The following COL9A1 variants were observed in gnomAD, a reference collection of about 807,000 sequenced individuals.
COL9A1 encodes the protein collagen alpha-1(IX) chain.
A neutral mutation model predicts 142.6 loss-of-function variants in COL9A1; 104 were observed. The observed-to-expected ratio is 0.73, with a 90% CI of 0.62 to 0.86. COL9A1 has a LOEUF of 0.86. Ranked by LOEUF, COL9A1 falls within the 40% of genes least tolerant of loss-of-function variation. The pLI, the probability that COL9A1 is intolerant of heterozygous loss-of-function variation, is 0.00. For synonymous variants in COL9A1, 466 were observed against 396.0 expected, an observed-to-expected ratio of 1.18 and a Z score of -2.10; for missense variants, 1,210 against 1,176.6, an observed-to-expected ratio of 1.03 and a Z score of -0.42.
chr6:70,303,032 T>TCTGGGACCAAGG lies in COL9A1; in HGVS notation c.-109_-108insCCTTGGTCCCAG. On this transcript the variant is annotated 5_prime_UTR_variant, in exon 1 of 38. Coordinates refer to ENST00000357250, the MANE Select transcript of COL9A1 (RefSeq NM_001851.6). ...TCACTGTTACCCTAGGACTATGTGT[T>TCTGGGACCAAGG]CTGGGCCCAGCCTTGGTCCCTCCTG... 2.4e-6 allele frequency: 3 copies of TCTGGGACCAAGG among 1,229,754 alleles called. No homozygotes were observed. The highest frequency in any genetic ancestry group is 3.6e-6 in the Non-Finnish European group (3 of 830,924). The allele number at this position is 1,229,754 out of a possible 1,614,324, so 76.2% of individuals were successfully genotyped here. A position where few individuals can be genotyped will look rare whatever the true frequency, so the allele number is the denominator to read the frequency against.
rs973061854 is a variant in COL9A1 at position 70,292,284 on chromosome 6, G to T, written c.696+1883C>A. Among the ~76,000 whole-genome samples, 4 of 152,122 alleles carry T rather than the reference G, an allele frequency of 2.6e-5. No individual in the cohort carries two copies. In the South Asian group the frequency reaches 8.3e-4, roughly 32 times the overall value. On this transcript the variant is annotated intron_variant, in intron 5 of 37. Transcript: ENST00000357250. Reference sequence around the variant, plus strand: ...GGCTCAAGTCTTTTTTGTGTTTCCTGATAAGGGAGTCAGAATTCAGTCTGA... The same window carrying T: ...GGCTCAAGTCTTTTTTGTGTTTCCTTATAAGGGAGTCAGAATTCAGTCTGA...
At chr6:70,244,943 G>T (rs910523832) in intron 28 of COL9A1, among the ~76,000 whole-genome samples, 3 of 152,176 alleles carry the variant, frequency 2.0e-5, no homozygotes, top group Admixed American at 1.3e-4. Context: ...GTACCCATAA[G>T]AGTCCACCAT....
At chr6:70,220,897 T>C (rs540654) in intron 37 of COL9A1, among the ~76,000 whole-genome samples, 14,582 of 152,224 alleles carry the variant, frequency 0.096, 1,068 homozygotes, top group African/African-American at 0.2. Flanking sequence ...CATGGTTTTC[T>C]GAAATGTCAA....
In COL9A1 at chr6:70,270,308, A is replaced by T. The variant is rs377762690; in HGVS notation, c.1197+6T>A. On this transcript the variant is annotated splice_donor_region_variant and intron_variant, in intron 15 of 37. Coordinates refer to ENST00000357250, the MANE Select transcript of COL9A1 (RefSeq NM_001851.6). ...CAAACAGAAATTCAAGCTGCAAATA[A>T]CTTACTCTGGGTCCTGGGGGGCCAG... The T allele has an allele frequency of 3.0e-5, 48 of 1,613,382 alleles. No homozygotes were observed. The highest frequency in any genetic ancestry group is 3.6e-5 in the Non-Finnish European group (43 of 1,179,478).
At chr6:70,294,003 A>T (rs575578516) in intron 5 of COL9A1, among the ~76,000 whole-genome samples, 164 bp downstream of exon 5, 20 of 152,174 alleles carry the variant, frequency 1.3e-4, no homozygotes, top group Middle Eastern at 3.4e-3. Context: ...ACACTTTCCA[A>T]CTTTAAGCTC....
intron 17 of COL9A1, 86 bp downstream of exon 17, chr6:70,268,718 C>CT (rs1772194912): frequency 2.4e-6 from 3 of 1,245,364 alleles, no homozygotes; most frequent in Non-Finnish European, 3.5e-6. Context: ...AGTGGGGTCT[C>CT]TGCACCAGGA....
chr6:70,257,209 C>T (rs1276312211), intron 20 of COL9A1, among the ~76,000 whole-genome samples: 1 of 151,964 alleles, frequency 6.6e-6, no homozygotes. Flanking sequence ...TACAGGCGCA[C>T]GCCGTCATGC....
At position 70,239,246 on chromosome 6, in the gene COL9A1, A is replaced by T. The variant is rs766377239; in HGVS notation, c.2112+8T>A. 2 of 1,537,482 alleles carry T rather than the reference A, an allele frequency of 1.3e-6. No individual in the cohort carries two copies. Among genetic ancestry groups the T allele is most frequent in the Non-Finnish European group, 1.8e-6 (2 of 1,110,954 alleles). ...TTTTTTTATACCATTACTATTCACCATACTTACAGATCCCTTTGGGCCAGG... is the reference window on the plus strand; with the variant it reads ...TTTTTTTATACCATTACTATTCACCTTACTTACAGATCCCTTTGGGCCAGG... On this transcript the variant is annotated splice_region_variant and intron_variant, in intron 33 of 37. Coordinates refer to ENST00000357250, the MANE Select transcript of COL9A1 (RefSeq NM_001851.6).
chr6:70,301,913 C>T lies in COL9A1; in HGVS notation c.88+88G>A, dbSNP rs1355371803. 7.7e-6 allele frequency: 8 copies of T among 1,041,714 alleles called. No homozygotes were observed. The East Asian group carries it at 1.5e-4, about 20-fold the overall frequency. 64.5% of individuals were successfully genotyped at this position (1,041,714 alleles called of 1,614,324 possible). ...GTGAGGGTGTGAAGGACTATGAATG[C>T]CTCACTCAGTCTTCAGTCAGCCACA... On this transcript the variant is annotated intron_variant, in intron 2 of 37. Coordinates refer to ENST00000357250, the MANE Select transcript of COL9A1 (RefSeq NM_001851.6).
At chr6:70,289,610 A>G (rs1472239991) in intron 5 of COL9A1, among the ~76,000 whole-genome samples, 1 of 152,196 alleles carries the variant, frequency 6.6e-6, no homozygotes. Context: ...TCAAAATTTT[A>G]TAAAAATATT....
At chr6:70,293,757 G>A (rs1275906083) in intron 5 of COL9A1, among the ~76,000 whole-genome samples, 1 of 151,620 alleles carries the variant, frequency 6.6e-6, no homozygotes, top group East Asian at 1.9e-4. Context: ...TCCCTTAATG[G>A]TGTTTCCCTC....
chr6:70,299,922 T>A (rs1773994835), intron 4 of COL9A1, 121 bp downstream of exon 4: 1 of 970,564 alleles, frequency 1.0e-6, no homozygotes, highest in Non-Finnish European at 1.6e-6. Flanking sequence ...AATTTCTTCA[T>A]CTTTAAATAC....
intron 4 of COL9A1, among the ~76,000 whole-genome samples, chr6:70,295,149 C>T (rs1018138407): frequency 3.3e-5 from 5 of 152,056 alleles, no homozygotes; most frequent in Non-Finnish European, 5.9e-5. Flanking sequence ...TCAGGAGCTT[C>T]TTCACACTGA....
chr6:70,235,772 A>G (rs912358577), intron 33 of COL9A1, among the ~76,000 whole-genome samples: 1 of 152,164 alleles, frequency 6.6e-6, no homozygotes, highest in Non-Finnish European at 1.5e-5. Flanking sequence ...AGGAATTACT[A>G]AACTAAATCA....
chr6:70,242,201 A>G, intron 29 of COL9A1, 166 bp from the exon 30 acceptor site: 2 of 690,014 alleles, frequency 2.9e-6, no homozygotes, highest in Non-Finnish European at 5.3e-6. Flanking sequence ...TCAGGAGAAG[A>G]GGGCGGGGCC....
chr6:70,269,487 T>C, intron 16 of COL9A1, 146 bp downstream of exon 16: 1 of 638,912 alleles, frequency 1.6e-6, no homozygotes, highest in Non-Finnish European at 2.9e-6. Flanking sequence ...ACTAGTCCAC[T>C]AGCGTTACAG....
At chr6:70,271,567 G>A in intron 14 of COL9A1, 88 bp downstream of exon 14, 1 of 1,179,540 alleles carries the variant, frequency 8.5e-7, no homozygotes, top group Non-Finnish European at 1.3e-6. Context: ...TTTGCAAGTG[G>A]AAATGTACAG....
chr6:70,260,657 T>C lies in COL9A1; in HGVS notation c.1449A>G (p.Lys483=), dbSNP rs763989378. ...ITGIVGDKGE[K]GARGLDGEPG... The stretch of plus-strand genomic sequence containing the variant: ...TATATTATTGTCATCACCATCTTAC[T>C]TTTTCCCCTTTGTCCCCAACTATGC... Residue 483 remains lysine, a splice_region_variant and synonymous_variant, in exon 20 of 38, where the codon AAA becomes AAG. Transcript: ENST00000357250. The C allele has an allele frequency of 1.9e-6, 3 of 1,613,030 alleles. No homozygotes were observed.
At chr6:70,225,434 A>G (rs1583205240) in intron 37 of COL9A1, among the ~76,000 whole-genome samples, 1 of 149,580 alleles carries the variant, frequency 6.7e-6, no homozygotes, top group East Asian at 1.9e-4. Flanking sequence ...AGGAATGTTC[A>G]GTTTTGTATT....
Sources: allele counts gnomAD v4.1 joint callset (sites outside exome capture counted in the v4.1 genomes callset), GRCh38; gene constraint gnomAD v4.1.1; transcripts MANE v1.5; gene names NCBI Gene and HGNC (gene_info 2026-07-23, HGNC 2026-07-21).